The following ARHGAP22 variants were observed in gnomAD, a reference collection of about 807,000 sequenced individuals.
The protein encoded by ARHGAP22 is rho GTPase-activating protein 22.
ARHGAP22 carries 48 observed loss-of-function variants against 59.1 expected under a neutral mutation model. The observed-to-expected ratio is 0.81, with a 90% CI of 0.64 to 1.03. The LOEUF is 1.03. Ranked by LOEUF, ARHGAP22 falls within the 50% of genes least tolerant of loss-of-function variation. ARHGAP22 has a pLI of 0.00. For synonymous variants in ARHGAP22, 445 were observed against 416.4 expected (o/e 1.07, Z -0.84); for missense variants, 1,015 against 958.7 (o/e 1.06, Z -0.78).
chr10:48,450,793 C>A lies in ARHGAP22; in HGVS notation c.1336G>T (p.Gly446Cys). 1 of 1,569,668 alleles carries A rather than the reference C, an allele frequency of 6.4e-7. No homozygotes were observed. Among genetic ancestry groups the A allele is most frequent in the Non-Finnish European group, 8.6e-7 (1 of 1,158,210 alleles). The part of the protein sequence containing the change: ...RSLSGSPKGG[G>C]SSLEVPIISS... ...ATGATGGGCACCTCCAGGGATGAGC[C>A]GCCCCCCTTCGGGCTTCCCGATAGG... The change falls in exon 9 of 10, where the codon GGC becomes TGC. Residue 446 changes from glycine (G) to cysteine (C), a missense_variant. Coordinates refer to ENST00000249601, the MANE Select transcript of ARHGAP22 (RefSeq NM_021226.4).
intron 3 of ARHGAP22, among the ~76,000 whole-genome samples, chr10:48,515,939 A>G (rs2053243211): frequency 6.6e-6 from 1 of 152,024 alleles, no homozygotes; most frequent in South Asian, 2.1e-4. Context: ...GCTTGAGCCC[A>G]GGAGTTAGAC....
rs560403980 is a variant in ARHGAP22, at chr10:48,640,155, G to A, written c.52+12079C>T. Reference sequence around the variant, plus strand: ...AGGTGAATGTAAAGACAGAGTTATCGAAATTAGCGAACCTGAAGAACACAA... The same window carrying A: ...AGGTGAATGTAAAGACAGAGTTATCAAAATTAGCGAACCTGAAGAACACAA... On this transcript the variant is annotated intron_variant, in intron 1 of 9. Coordinates refer to the ARHGAP22 transcript ENST00000435790. Among the ~76,000 whole-genome samples, 9 of 152,236 alleles carry A rather than the reference G, an allele frequency of 5.9e-5. No individual in the cohort carries two copies. In the South Asian group the frequency reaches 1.0e-3, roughly 18 times the overall value.
chr10:48,439,330 AAAAG>A, the ARHGAP22 span: 133 of 150,828 alleles, frequency 8.8e-4, no homozygotes, highest in African/African-American at 3.0e-3. Context: ...TTTTAAATAA[AAAAG>A]AAAAAAGTGG....
At chr10:48,646,122 A>G (rs1318339677) in intron 1 of ARHGAP22, among the ~76,000 whole-genome samples, 1 of 152,216 alleles carries the variant, frequency 6.6e-6, no homozygotes, top group Non-Finnish European at 1.5e-5. Context: ...AGAATAAACT[A>G]TTTAGAAATA....
rs117265787 is a variant in ARHGAP22, at chr10:48,546,671, T to C, written c.322+8792A>G. 26 of 168,962 alleles carry C rather than the reference T, an allele frequency of 1.5e-4. No homozygotes were observed. In the East Asian group the frequency reaches 4.1e-3, roughly 27 times the overall value. 10.5% of individuals were successfully genotyped at this position (168,962 alleles called of 1,614,324 possible). ...TGCCTTTCCATTGTTTGCTGAATGC[T>C]TTGAACTCTGAGGTTACTTACTGTG... On this transcript the variant is annotated intron_variant, in intron 3 of 9. Coordinates refer to ENST00000249601, the MANE Select transcript of ARHGAP22 (RefSeq NM_021226.4).
At chr10:48,521,201 TATG>T (rs1424446838) in intron 3 of ARHGAP22, among the ~76,000 whole-genome samples, 1 of 152,152 alleles carries the variant, frequency 6.6e-6, no homozygotes, top group Non-Finnish European at 1.5e-5. Context: ...CTGTCTTGCA[TATG>T]ATATTAAGTG....
chr10:48,655,227 A>G (rs1295348446), upstream of ARHGAP22, among the ~76,000 whole-genome samples: 1 of 112,138 alleles, frequency 8.9e-6, no homozygotes, highest in Admixed American at 1.0e-4. Context: ...CTCCACCCAC[A>G]CCATGGAGAG....
At chr10:48,566,311 C>T (rs114873133) in intron 2 of ARHGAP22, among the ~76,000 whole-genome samples, 1,538 of 152,256 alleles carry the variant, frequency 0.01, 29 homozygotes, top group African/African-American at 0.035. Context: ...TGACACCCAA[C>T]CAGGAACTGA....
chr10:48,540,770 C>A (rs527741463), intron 3 of ARHGAP22, among the ~76,000 whole-genome samples: 1 of 152,164 alleles, frequency 6.6e-6, no homozygotes, highest in African/African-American at 2.4e-5. Flanking sequence ...TTTTAGCATT[C>A]TTTCTGCTTT....
At chr10:48,440,643 A>C in the ARHGAP22 span, among the ~76,000 whole-genome samples, 1 of 152,200 alleles carries the variant, frequency 6.6e-6, no homozygotes, top group South Asian at 2.1e-4. Context: ...ATGGGAGAGA[A>C]GACTGACACG....
At position 48,450,793 on chromosome 10, in the gene ARHGAP22, C is replaced by T. The variant is rs766621193; in HGVS notation, c.1336G>A (p.Gly446Ser). The change falls in exon 9 of 10, where the codon GGC becomes AGC. Residue 446 changes from glycine to serine, a missense_variant. Physicochemically the swap from Gly to Ser is moderately conservative, Grantham distance 56. Coordinates refer to ENST00000249601, the MANE Select transcript of ARHGAP22 (RefSeq NM_021226.4). ...RSLSGSPKGG[G>S]SSLEVPIISS... ...ATGATGGGCACCTCCAGGGATGAGCCGCCCCCCTTCGGGCTTCCCGATAGG... is the reference window on the plus strand; with the variant it reads ...ATGATGGGCACCTCCAGGGATGAGCTGCCCCCCTTCGGGCTTCCCGATAGG... 1 of 1,569,668 alleles carries T rather than the reference C, an allele frequency of 6.4e-7. No individual in the cohort carries two copies. The highest frequency in any genetic ancestry group is 1.2e-5 in the South Asian group (1 of 83,936).
the ARHGAP22 span, chr10:48,430,721 G>A: frequency 7.1e-5 from 11 of 154,616 alleles, no homozygotes; most frequent in African/African-American, 1.4e-4. Flanking sequence ...GATTTGTTGT[G>A]AAGCTTTTGC....
At chr10:48,655,256 T>TGGGGGG (rs1230624457), upstream of ARHGAP22, among the ~76,000 whole-genome samples, 3 of 9,912 alleles carry the variant, frequency 3.0e-4, no homozygotes, top group African/African-American at 6.1e-4. Flanking sequence ...TGTGTGTGTG[T>TGGGGGG]GGGGGGGGGG....
At chr10:48,557,887 G>A (rs905860412) in intron 2 of ARHGAP22, among the ~76,000 whole-genome samples, 1 of 152,202 alleles carries the variant, frequency 6.6e-6, no homozygotes, top group African/African-American at 2.4e-5. Flanking sequence ...CTGGTCCCTG[G>A]TATGACATTT....
chr10:48,523,179 C>T (rs913022665), intron 3 of ARHGAP22, among the ~76,000 whole-genome samples: 4 of 152,238 alleles, frequency 2.6e-5, no homozygotes, highest in African/African-American at 9.6e-5. Context: ...CCCAGACTCA[C>T]CTGGCCATAG....
chr10:48,446,271 A>ATC lies in ARHGAP22; in HGVS notation c.*118_*119dup, dbSNP rs562386784. 2.4e-5 allele frequency: 25 copies of ATC among 1,045,014 alleles called. No individual in the cohort carries two copies. In the East Asian group the frequency reaches 4.5e-4, roughly 19 times the overall value. 64.7% of individuals were successfully genotyped at this position (1,045,014 alleles called of 1,614,324 possible). On this transcript the variant is annotated 3_prime_UTR_variant, in exon 10 of 10. Coordinates refer to ENST00000249601, the MANE Select transcript of ARHGAP22 (RefSeq NM_021226.4). The stretch of plus-strand genomic sequence containing the variant: ...CCACAGTCCCCACAGAGGTATCAGG[A>ATC]TCTCTCTCTCTCCAGCTGGCTCCAG...
chr10:48,569,402 G>A (rs1322791282), intron 2 of ARHGAP22, among the ~76,000 whole-genome samples: 1 of 152,148 alleles, frequency 6.6e-6, no homozygotes, highest in Non-Finnish European at 1.5e-5. Flanking sequence ...CCATTATGCT[G>A]ATCAACTGTA....
At chr10:48,481,236 C>T (rs1289920420) in intron 3 of ARHGAP22, among the ~76,000 whole-genome samples, 1 of 152,236 alleles carries the variant, frequency 6.6e-6, no homozygotes, top group South Asian at 2.1e-4. Flanking sequence ...GCATTGCCAC[C>T]TACCGAGGTT....
intron 3 of ARHGAP22, among the ~76,000 whole-genome samples, chr10:48,519,601 A>G (rs1477103737): frequency 6.6e-6 from 1 of 152,254 alleles, no homozygotes; most frequent in Non-Finnish European, 1.5e-5. Context: ...GCCAGGCCAC[A>G]TAGGTGACAA....
Sources: allele counts gnomAD v4.1 joint callset (sites outside exome capture counted in the v4.1 genomes callset), GRCh38; gene constraint gnomAD v4.1.1; transcripts MANE v1.5; gene names NCBI Gene and HGNC (gene_info 2026-07-23, HGNC 2026-07-21).